The following DIP2C variants were observed in gnomAD, a reference collection of about 807,000 sequenced individuals.
DIP2C encodes DIP2 acetate--CoA ligase C (putative).
Under a neutral mutation model 192.4 loss-of-function variants are expected in DIP2C, and 33 were observed. The ratio of observed to expected loss-of-function variants is 0.17; its 90% CI spans 0.13 to 0.23. DIP2C has a LOEUF of 0.23. Ranked by LOEUF, DIP2C falls within the 10% of genes least tolerant of loss-of-function variation. The probability of loss-of-function intolerance (pLI) is 1.00; values close to 1 mark genes in which losing one functional copy is unlikely to be tolerated. For missense variants in DIP2C, 1,537 were observed against 2,110.1 expected (o/e 0.73, Z 5.32); for synonymous variants, 979 against 864.1 (o/e 1.13, Z -2.33).
At chr10:588,422 G>A (rs1415338309) in intron 1 of DIP2C, among the ~76,000 whole-genome samples, 1 of 152,220 alleles carries the variant, frequency 6.6e-6, no homozygotes, top group Non-Finnish European at 1.5e-5. Context: ...CATCTCCGGG[G>A]GTCTCAAGGG....
intron 1 of DIP2C, among the ~76,000 whole-genome samples, chr10:614,528 CT>C (rs1003721538): frequency 7.2e-5 from 11 of 152,198 alleles, no homozygotes; most frequent in African/African-American, 2.7e-4. Context: ...CCAAGGTGCC[CT>C]CACCACAGGC....
At chr10:348,965 G>C (rs1958655477) in intron 25 of DIP2C, among the ~76,000 whole-genome samples, 1 of 152,224 alleles carries the variant, frequency 6.6e-6, no homozygotes, top group Non-Finnish European at 1.5e-5. Context: ...GAGGTGACGA[G>C]GCAGCCTGGA....
intron 1 of DIP2C, among the ~76,000 whole-genome samples, chr10:607,082 C>G (rs1340000857): frequency 6.6e-6 from 1 of 152,218 alleles, no homozygotes; most frequent in African/African-American, 2.4e-5. Context: ...GGGCCCAGCA[C>G]GGCCTGCACG....
intron 28 of DIP2C, among the ~76,000 whole-genome samples, chr10:341,671 T>C (rs371432744): frequency 1.3e-5 from 2 of 152,298 alleles, no homozygotes; most frequent in East Asian, 3.9e-4. Flanking sequence ...CCGCATTAAA[T>C]GCGTGGGGCC....
At position 574,819 on chromosome 10, in the gene DIP2C, G is replaced by A. The variant is rs184111484; in HGVS notation, c.86-88289C>T. On this transcript the variant is annotated intron_variant, in intron 1 of 36. Transcript: ENST00000280886. ...GGTCTTGTGCAGGACCAGAAGCATCGCAACGCGGTTTCCTGTTCTGGTGTT... is the reference window on the plus strand; with the variant it reads ...GGTCTTGTGCAGGACCAGAAGCATCACAACGCGGTTTCCTGTTCTGGTGTT... Among the ~76,000 whole-genome samples, 162 of 152,312 alleles carry A rather than the reference G, an allele frequency of 1.1e-3. 1 individual carries two copies. The highest frequency in any genetic ancestry group is 2.2e-4 in the Non-Finnish European group (15 of 68,028).
Position 357,976 on chromosome 10 carries a change from G to C in DIP2C, c.2795-39C>G, listed in dbSNP as rs142980205. ...GAGACATGGCCATGAGGAAACAAAA[G>C]AGAAATTCCTTCAGACTAGACCTCC... On this transcript the variant is annotated intron_variant, in intron 22 of 36. Transcript: ENST00000280886. The C allele has an allele frequency of 1.4e-4, 211 of 1,535,368 alleles. 1 individual carries two copies. The African/African-American group carries it at 2.4e-3, about 17-fold the overall frequency.
At chr10:288,178 C>G (rs528573865) in intron 33 of DIP2C, among the ~76,000 whole-genome samples, 186 bp downstream of exon 33, 1 of 152,206 alleles carries the variant, frequency 6.6e-6, no homozygotes, top group African/African-American at 2.4e-5. Context: ...CTAACTTTTA[C>G]CTGAGGAAAA....
chr10:684,383 G>T (rs951030280), intron 1 of DIP2C, among the ~76,000 whole-genome samples: 2 of 152,218 alleles, frequency 1.3e-5, no homozygotes, highest in African/African-American at 4.8e-5. Flanking sequence ...ACCTGGCCAA[G>T]AAGTCCTCAC....
chr10:414,001 T>C lies in DIP2C; in HGVS notation c.969A>G (p.Ala323=), dbSNP rs140052373. 8.1e-6 allele frequency: 13 copies of C among 1,613,994 alleles called. No individual in the cohort carries two copies. Among genetic ancestry groups the C allele is most frequent in the Non-Finnish European group, 1.1e-5 (13 of 1,179,986 alleles). Residue 323 remains alanine (A), a synonymous_variant, in exon 8 of 37, where the codon GCA becomes GCG. Coordinates refer to ENST00000280886, the MANE Select transcript of DIP2C (RefSeq NM_014974.3). ...GCGAGATGGTGCCCCACCTCTGCAG[T>C]GCGGCCTCCAGCGACGGCGGCCAGT... ...VTNWPPSLEA[A]LQRWGTISPK... is the part of the protein sequence containing the mutation.
chr10:490,137 G>A (rs966121938), intron 1 of DIP2C, among the ~76,000 whole-genome samples: 3 of 110,790 alleles, frequency 2.7e-5, no homozygotes, highest in African/African-American at 6.8e-5. Context: ...TCACACCAGG[G>A]ACACGGTGGC....
chr10:436,008 CT>C (rs1398918851), intron 4 of DIP2C, among the ~76,000 whole-genome samples: 1 of 152,050 alleles, frequency 6.6e-6, no homozygotes, highest in Non-Finnish European at 1.5e-5. Flanking sequence ...TATTAATATA[CT>C]TTTAACTCAA....
chr10:502,308 G>A (rs114456966), intron 1 of DIP2C, among the ~76,000 whole-genome samples: 7 of 152,308 alleles, frequency 4.6e-5, no homozygotes, highest in Admixed American at 2.0e-4. Context: ...GCTAAAATGA[G>A]ATTTGGGTGA....
intron 32 of DIP2C, among the ~76,000 whole-genome samples, chr10:307,338 G>A (rs1956369343): frequency 6.6e-6 from 1 of 152,238 alleles, no homozygotes; most frequent in Admixed American, 6.5e-5. Flanking sequence ...CCCTGCCAGT[G>A]GCTGCAGCAC....
chr10:513,714 C>T (rs1422130565), intron 1 of DIP2C, among the ~76,000 whole-genome samples: 1 of 151,642 alleles, frequency 6.6e-6, no homozygotes, highest in Non-Finnish European at 1.5e-5. Context: ...CATGTTTAAA[C>T]ATTCATCAAA....
chr10:297,236 CCACATACA>C (rs1351364241), intron 32 of DIP2C, among the ~76,000 whole-genome samples: 6 of 73,358 alleles, frequency 8.2e-5, no homozygotes, highest in Non-Finnish European at 1.2e-4. Flanking sequence ...CCCCACCCCA[CCACATACA>C]CACACACACA....
intron 32 of DIP2C, among the ~76,000 whole-genome samples, chr10:299,757 A>C (rs940236737): frequency 1.2e-4 from 19 of 152,234 alleles, no homozygotes; most frequent in African/African-American, 4.3e-4. Flanking sequence ...TAAGGGGCTA[A>C]TATCCAGAAT....
intron 17 of DIP2C, among the ~76,000 whole-genome samples, chr10:380,993 A>T (rs1396861835): frequency 6.6e-6 from 1 of 152,238 alleles, no homozygotes; most frequent in Non-Finnish European, 1.5e-5. Flanking sequence ...CACATTCAGA[A>T]AACAATGCAG....
At chr10:542,210 C>A (rs544476169) in intron 1 of DIP2C, among the ~76,000 whole-genome samples, 30 of 152,322 alleles carry the variant, frequency 2.0e-4, no homozygotes, top group South Asian at 8.3e-4. Context: ...CTGCTCCCTG[C>A]CTGCCTCTGC....
intron 30 of DIP2C, 108 bp downstream of exon 30, chr10:329,325 G>A (rs1957399064): frequency 8.2e-7 from 1 of 1,222,160 alleles, no homozygotes; most frequent in South Asian, 1.8e-5. Flanking sequence ...TTAAACCCAG[G>A]CTTTGTTTTG....
Sources: gnomAD v4.1 joint callset for allele counts (sites outside exome capture counted in the v4.1 genomes callset) on GRCh38, gnomAD v4.1.1 for gene constraint, MANE v1.5 for transcripts, NCBI Gene and HGNC (gene_info 2026-07-23, HGNC 2026-07-21) for gene names.